CCDC170: variants seen among roughly 807,000 people sequenced by gnomAD.
CCDC170 encodes coiled-coil domain containing 170.
CCDC170 carries 69 observed loss-of-function variants against 72.6 expected under a neutral mutation model. The ratio of observed to expected loss-of-function variants is 0.95; its 90% CI spans 0.78 to 1.16. CCDC170 has a LOEUF of 1.16. Among genes scored for constraint, CCDC170 ranks in the 50% most tolerant of loss-of-function variants. The pLI is 0.00. For synonymous variants in CCDC170, 300 were observed against 303.9 expected, an observed-to-expected ratio of 0.99 and a Z score of 0.13; for missense variants, 852 against 832.5, an observed-to-expected ratio of 1.02 and a Z score of -0.29.
At chr6:151,578,678 G>A (rs1414972774) in intron 6 of CCDC170, among the ~76,000 whole-genome samples, 1 of 152,172 alleles carries the variant, frequency 6.6e-6, no homozygotes, top group Non-Finnish European at 1.5e-5. Flanking sequence ...CAGAGGAGGT[G>A]GGATAGAGTT....
intron 1 of CCDC170, among the ~76,000 whole-genome samples, chr6:151,534,057 T>C (rs926318331): frequency 6.8e-6 from 1 of 146,120 alleles, no homozygotes; most frequent in African/African-American, 2.5e-5. Context: ...CGTTCATTCA[T>C]TCATTCATTC....
At chr6:151,600,803 G>A (rs1776694420) in intron 9 of CCDC170, among the ~76,000 whole-genome samples, 1 of 151,962 alleles carries the variant, frequency 6.6e-6, no homozygotes. Context: ...ATATTGACAA[G>A]GTTGTACAAA....
chr6:151,516,142 T>C (rs1330263211), intron 1 of CCDC170, among the ~76,000 whole-genome samples: 1 of 152,182 alleles, frequency 6.6e-6, no homozygotes, highest in African/African-American at 2.4e-5. Flanking sequence ...TTATCTGTCA[T>C]ATAATGCTAT....
chr6:151,614,717 G>A (rs547642486), intron 9 of CCDC170, among the ~76,000 whole-genome samples: 1 of 151,688 alleles, frequency 6.6e-6, no homozygotes, highest in East Asian at 1.9e-4. Flanking sequence ...TGATCTGGCC[G>A]GCTGGGATAA....
chr6:151,579,215 T>C (rs921685012), intron 6 of CCDC170, among the ~76,000 whole-genome samples: 2 of 152,178 alleles, frequency 1.3e-5, no homozygotes, highest in Non-Finnish European at 2.9e-5. Context: ...GAAAGGCTTA[T>C]TTATTGTTTA....
At chr6:151,553,495 G>C (rs1782919360) in intron 5 of CCDC170, among the ~76,000 whole-genome samples, 1 of 151,832 alleles carries the variant, frequency 6.6e-6, no homozygotes, top group African/African-American at 2.4e-5. Flanking sequence ...GGAGAGGAGG[G>C]GTTAAAAAAG....
chr6:151,564,213 A>T (rs1229077370), intron 5 of CCDC170, among the ~76,000 whole-genome samples: 1 of 152,142 alleles, frequency 6.6e-6, no homozygotes, highest in Non-Finnish European at 1.5e-5. Flanking sequence ...TGGGTAGGGC[A>T]CTTTGGCTCT....
intron 5 of CCDC170, among the ~76,000 whole-genome samples, chr6:151,549,805 A>G (rs1227322536): frequency 6.6e-6 from 1 of 152,178 alleles, no homozygotes; most frequent in African/African-American, 2.4e-5. Context: ...TTTAACACAA[A>G]TGTTGACACA....
Position 151,598,518 on chromosome 6 carries a change from G to A in CCDC170, c.1710+1941G>A, listed in dbSNP as rs554857488. ...CTGTGGCCCAATAGCAGCTACAGCC[G>A]AGCCTTGAATTAGCTGAGACCAATG... On this transcript the variant is annotated intron_variant, in intron 9 of 10. Transcript: ENST00000239374. Among the ~76,000 whole-genome samples the A allele has an allele frequency of 8.8e-4, 134 of 152,272 alleles. 1 individual carries two copies. The highest frequency in any genetic ancestry group is 2.8e-3 in the African/African-American group (117 of 41,544).
chr6:151,617,408 C>CTTTTTTTTTTT (rs745655791), intron 10 of CCDC170, among the ~76,000 whole-genome samples: 11 of 91,472 alleles, frequency 1.2e-4, no homozygotes, highest in Non-Finnish European at 1.9e-4. Context: ...GCTGTTTGTT[C>CTTTTTTTTTTT]TTTTTTTTTT....
chr6:151,567,516 G>A (rs1776155051), intron 5 of CCDC170, among the ~76,000 whole-genome samples: 1 of 152,148 alleles, frequency 6.6e-6, no homozygotes, highest in African/African-American at 2.4e-5. Context: ...ACAGGTGTGA[G>A]CCACCATACC....
chr6:151,548,880 C>T (rs563609001), intron 5 of CCDC170, among the ~76,000 whole-genome samples: 1 of 144,142 alleles, frequency 6.9e-6, no homozygotes, highest in Non-Finnish European at 1.5e-5. Context: ...CCACCATGCC[C>T]AGCTAGTTTT....
chr6:151,527,050 A>ATTTTTTTTTTTT (rs56941290), intron 1 of CCDC170, among the ~76,000 whole-genome samples: 23 of 69,668 alleles, frequency 3.3e-4, no homozygotes, highest in Non-Finnish European at 5.1e-4. Flanking sequence ...ATGCTTAGCT[A>ATTTTTTTTTTTT]TTTTTTTTTT....
At chr6:151,608,959 G>A (rs1346777215) in intron 9 of CCDC170, among the ~76,000 whole-genome samples, 2 of 152,186 alleles carry the variant, frequency 1.3e-5, no homozygotes, top group Non-Finnish European at 2.9e-5. Flanking sequence ...TATGACTGTG[G>A]ACTGTTAGGG....
At chr6:151,580,306 T>G (rs1050587269) in intron 6 of CCDC170, among the ~76,000 whole-genome samples, 2 of 152,118 alleles carry the variant, frequency 1.3e-5, no homozygotes, top group Non-Finnish European at 2.9e-5. Context: ...AATACTCACT[T>G]CCTGTTTGCA....
chr6:151,521,599 A>G (rs1782316667), intron 1 of CCDC170, among the ~76,000 whole-genome samples: 2 of 152,148 alleles, frequency 1.3e-5, no homozygotes, highest in Non-Finnish European at 2.9e-5. Context: ...ATGTTTATTG[A>G]ACAGACCCAG....
intron 3 of CCDC170, among the ~76,000 whole-genome samples, chr6:151,540,676 C>T (rs529730479): frequency 7.9e-5 from 12 of 152,016 alleles, no homozygotes; most frequent in Admixed American, 4.6e-4. Flanking sequence ...GATAAGCCAC[C>T]ACACCCAGCC....
chr6:151,601,036 G>C (rs549214413), intron 9 of CCDC170, among the ~76,000 whole-genome samples: 1 of 152,252 alleles, frequency 6.6e-6, no homozygotes. Flanking sequence ...CTGTTTTCCT[G>C]CTGCTGATAA....
chr6:151,592,982 T>C (rs2115114795), intron 7 of CCDC170, 125 bp from the exon 8 acceptor site: 1 of 1,020,712 alleles, frequency 9.8e-7, no homozygotes, highest in South Asian at 1.6e-5. Context: ...GAGTCCGTGC[T>C]CCGTTCCATG....
Sources: allele counts gnomAD v4.1 joint callset (sites outside exome capture counted in the v4.1 genomes callset), GRCh38; gene constraint gnomAD v4.1.1; transcripts MANE v1.5; gene names NCBI Gene and HGNC (gene_info 2026-07-23, HGNC 2026-07-21).